CTXN2: variants seen among roughly 807,000 people sequenced by gnomAD.
CTXN2 encodes the protein cortexin-2.
A neutral mutation model predicts 5.7 loss-of-function variants in CTXN2; 3 were observed. That is an observed-to-expected ratio of 0.53 (90% CI 0.24 to 1.36). The LOEUF (loss-of-function observed/expected upper bound fraction) is 1.36, where lower values mean the gene tolerates loss of function less well. CTXN2 is among the 40% of genes most tolerant of loss of function. The probability of loss-of-function intolerance (pLI) is 0.17; values close to 1 mark genes in which losing one functional copy is unlikely to be tolerated. For synonymous variants in CTXN2, 38 were observed against 36.4 expected, an observed-to-expected ratio of 1.04 and a Z score of -0.16; for missense variants, 87 against 93.0, an observed-to-expected ratio of 0.94 and a Z score of 0.26.
Position 48,191,777 on chromosome 15 carries a change from A to G in CTXN2, c.-134A>G, listed in dbSNP as rs1002456513. 2.2e-6 allele frequency: 1 copy of G among 456,080 alleles called. No homozygotes were observed. Among genetic ancestry groups the G allele is most frequent in the African/African-American group, 2.0e-5 (1 of 50,190 alleles). The allele number at this position is 456,080 out of a possible 1,614,324, so 28.3% of individuals were successfully genotyped here. Reference sequence around the variant, plus strand: ...GCCTTCTACATTTGTTACTGAACCGATCAGCGAACACAGACAAACGTGCCA... The same window carrying G: ...GCCTTCTACATTTGTTACTGAACCGGTCAGCGAACACAGACAAACGTGCCA... On this transcript the variant is annotated 5_prime_UTR_variant, in exon 1 of 2. Coordinates refer to ENST00000417307, the MANE Select transcript of CTXN2 (RefSeq NM_001145668.2).
chr15:48,203,180 C>CT lies in CTXN2; in HGVS notation c.*1635dup, dbSNP rs2040941692. Reference sequence around the variant, plus strand: ...GGGCAGTTTGATTTCTGCTGTATCCCTAGACACTGTCCTCAACACTTCTAC... The same window carrying CT: ...GGGCAGTTTGATTTCTGCTGTATCCCTTAGACACTGTCCTCAACACTTCTAC... On this transcript the variant is annotated 3_prime_UTR_variant, in exon 2 of 2. Coordinates refer to ENST00000417307, the MANE Select transcript of CTXN2 (RefSeq NM_001145668.2). 6.0e-6 allele frequency: 1 copy of CT among 167,006 alleles called. No individual in the cohort carries two copies. Among genetic ancestry groups the CT allele is most frequent in the African/African-American group, 2.4e-5 (1 of 41,412 alleles). 10.3% of individuals were successfully genotyped at this position (167,006 alleles called of 1,614,324 possible). A position where few individuals can be genotyped will look rare whatever the true frequency, so the allele number is the denominator to read the frequency against.
intron 1 of CTXN2, among the ~76,000 whole-genome samples, chr15:48,179,412 CACACAT>C (rs898282981): frequency 7.1e-4 from 32 of 44,826 alleles, no homozygotes; most frequent in Middle Eastern, 0.1. Context: ...TCATCACACA[CACACAT>C]ACACACACAC....
chr15:48,197,687 T>C (rs372519316), intron 1 of CTXN2, among the ~76,000 whole-genome samples: 3 of 152,130 alleles, frequency 2.0e-5, no homozygotes, highest in East Asian at 1.9e-4. Context: ...TTCTCAGCAT[T>C]TTCCCTAGTT....
chr15:48,197,689 T>C (rs2140986236), intron 1 of CTXN2, among the ~76,000 whole-genome samples: 1 of 152,260 alleles, frequency 6.6e-6, no homozygotes, highest in Admixed American at 6.5e-5. Context: ...CTCAGCATTT[T>C]CCCTAGTTAT....
At chr15:48,186,138 TA>T (rs1251929069) in intron 1 of CTXN2, among the ~76,000 whole-genome samples, 1 of 152,170 alleles carries the variant, frequency 6.6e-6, no homozygotes, top group Non-Finnish European at 1.5e-5. Flanking sequence ...TCATACTCAT[TA>T]GATTCAACAG....
At chr15:48,186,387 A>G (rs1375948047) in intron 1 of CTXN2, among the ~76,000 whole-genome samples, 1 of 152,206 alleles carries the variant, frequency 6.6e-6, no homozygotes, top group African/African-American at 2.4e-5. Flanking sequence ...ATCATGCTCA[A>G]TTCACTTAGG....
chr15:48,181,930 G>A (rs747559423), intron 1 of CTXN2, among the ~76,000 whole-genome samples: 3 of 151,992 alleles, frequency 2.0e-5, no homozygotes, highest in Admixed American at 1.3e-4. Flanking sequence ...AAAGGAATTC[G>A]TAACTTTTTA....
upstream of CTXN2, among the ~76,000 whole-genome samples, chr15:48,190,317 G>A (rs1193370755): frequency 2.6e-5 from 4 of 152,140 alleles, no homozygotes; most frequent in Non-Finnish European, 5.9e-5. Flanking sequence ...CCCTTGGCAA[G>A]TTTAAAAAGG....
At chr15:48,181,758 A>G (rs908005423) in intron 1 of CTXN2, among the ~76,000 whole-genome samples, 1 of 152,190 alleles carries the variant, frequency 6.6e-6, no homozygotes, top group Admixed American at 6.5e-5. Context: ...CAGAAACTCA[A>G]AAAAGAAAAA....
At position 48,201,684 on chromosome 15, in the gene CTXN2, A is replaced by T; in HGVS notation, c.*138A>T. 3 of 824,844 alleles carry T rather than the reference A, an allele frequency of 3.6e-6. No individual in the cohort carries two copies. The highest frequency in any genetic ancestry group is 5.7e-6 in the Non-Finnish European group (3 of 525,078). The allele number at this position is 824,844 out of a possible 1,614,324, so 51.1% of individuals were successfully genotyped here. A position where few individuals can be genotyped will look rare whatever the true frequency, so the allele number is the denominator to read the frequency against. On this transcript the variant is annotated 3_prime_UTR_variant, in exon 2 of 2. Transcript: ENST00000417307. ...AACATCTGTGACTAATTTCTTCACCATGCTGTGTAAATGATAAACTATTGT... is the reference window on the plus strand; with the variant it reads ...AACATCTGTGACTAATTTCTTCACCTTGCTGTGTAAATGATAAACTATTGT...
At chr15:48,178,993 C>T (rs2040657301) in intron 1 of CTXN2, among the ~76,000 whole-genome samples, 1 of 151,300 alleles carries the variant, frequency 6.6e-6, no homozygotes, top group African/African-American at 2.4e-5. Context: ...TAATAATGGA[C>T]ATTTGAGGTT....
rs1567296207 is a variant in CTXN2 at position 48,201,468 on chromosome 15, TA to T, written c.169del (p.Ser57ValfsTer68). 1.3e-6 allele frequency: 2 copies of T among 1,551,216 alleles called. No individual in the cohort carries two copies. The highest frequency in any genetic ancestry group is 3.9e-5 in the Admixed American group (2 of 50,972). On this transcript the variant is annotated frameshift_variant, in exon 2 of 2. Transcript: ENST00000417307. LOFTEE classifies it high-confidence loss of function. ...GCTTCAAAATCCTGCTAGACCCATA[TA>T]GTAGCATGCCTTCCTCTACATGGGA... is the stretch of plus-strand genomic sequence containing the variant. ...RCFKILLDPY[S>X]SMPSSTWEDE...
upstream of CTXN2, chr15:48,190,272 A>G (rs1481910737): frequency 4.6e-5 from 7 of 152,244 alleles, no homozygotes; most frequent in Non-Finnish European, 1.0e-4. Context: ...TTCAAGAAGC[A>G]CTGTTCCAGC....
intron 1 of CTXN2, among the ~76,000 whole-genome samples, chr15:48,194,214 A>AT (rs11373642): frequency 0.13 from 19,341 of 147,686 alleles, 3,278 homozygotes; most frequent in East Asian, 0.4. Flanking sequence ...TTCTCAACCC[A>AT]TTTTTTTTTT....
upstream of CTXN2, chr15:48,189,481 T>C (rs2040792779): frequency 6.6e-6 from 1 of 152,242 alleles, no homozygotes; most frequent in Non-Finnish European, 1.5e-5. Context: ...CAGAATCATG[T>C]AACTTAGTTC....
rs765098497 is a variant in CTXN2 at position 48,202,734 on chromosome 15, C to A, written c.*1188C>A. 6.0e-6 allele frequency: 1 copy of A among 166,976 alleles called. No homozygotes were observed. Among genetic ancestry groups the A allele is most frequent in the Non-Finnish European group, 1.5e-5 (1 of 68,076 alleles). The allele number at this position is 166,976 out of a possible 1,614,324, so 10.3% of individuals were successfully genotyped here. On this transcript the variant is annotated 3_prime_UTR_variant, in exon 2 of 2. Coordinates refer to ENST00000417307, the MANE Select transcript of CTXN2 (RefSeq NM_001145668.2). ...GTAGCAGTAATAGAGATTCTCAAACCCTAAGAAGCAATGGCTTAGTGTAAA... is the reference window on the plus strand; with the variant it reads ...GTAGCAGTAATAGAGATTCTCAAACACTAAGAAGCAATGGCTTAGTGTAAA...
upstream of CTXN2, among the ~76,000 whole-genome samples, chr15:48,187,617 A>T (rs924694855): frequency 2.0e-5 from 3 of 152,220 alleles, no homozygotes; most frequent in African/African-American, 7.2e-5. Context: ...TAGAGCCAAG[A>T]TGGCAAGAAT....
upstream of CTXN2, among the ~76,000 whole-genome samples, chr15:48,187,888 G>A (rs1405086056): frequency 6.6e-6 from 1 of 152,086 alleles, no homozygotes; most frequent in Non-Finnish European, 1.5e-5. Flanking sequence ...TAACAAAGTG[G>A]TTTGAAATTA....
At chr15:48,188,367 G>A (rs968902290), upstream of CTXN2, among the ~76,000 whole-genome samples, 7 of 152,086 alleles carry the variant, frequency 4.6e-5, no homozygotes, top group Admixed American at 4.6e-4. Context: ...TGTAAGAACA[G>A]AACATACCAC....
Sources: gnomAD v4.1 joint callset for allele counts (sites outside exome capture counted in the v4.1 genomes callset) on GRCh38, gnomAD v4.1.1 for gene constraint, MANE v1.5 for transcripts, NCBI Gene and HGNC (gene_info 2026-07-23, HGNC 2026-07-21) for gene names.